CSMD2: variants seen among roughly 807,000 people sequenced by gnomAD.
CSMD2 encodes CUB and sushi domain-containing protein 2.
In CSMD2, 130 loss-of-function variants were observed where a neutral mutation model predicts 398.5. The ratio of observed to expected loss-of-function variants is 0.33; its 90% confidence interval spans 0.28 to 0.38. CSMD2 has a LOEUF of 0.38. Ranked by LOEUF, CSMD2 falls within the 10% of genes least tolerant of loss-of-function variation. The probability of loss-of-function intolerance (pLI) is 1.00; values close to 1 mark genes in which losing one functional copy is unlikely to be tolerated. For synonymous variants in CSMD2, 1,828 were observed against 1,908.5 expected (o/e 0.96, Z 1.10); for missense variants, 3,829 against 4,764.9 (o/e 0.80, Z 5.78).
At chr1:33,830,221 G>A (rs1659363018) in intron 6 of CSMD2, among the ~76,000 whole-genome samples, 4 of 152,216 alleles carry the variant, frequency 2.6e-5, no homozygotes, top group African/African-American at 9.7e-5. Context: ...GTGGGTCCCT[G>A]ACCCTTGACC....
chr1:33,595,003 C>G (rs1557592747), intron 44 of CSMD2, among the ~76,000 whole-genome samples: 1 of 152,194 alleles, frequency 6.6e-6, no homozygotes, highest in Non-Finnish European at 1.5e-5. Flanking sequence ...TACAAACTAG[C>G]ACATTCTCTC....
At chr1:33,882,102 T>G (rs1164308715) in intron 5 of CSMD2, 23 of 152,254 alleles carry the variant, frequency 1.5e-4, no homozygotes, top group Admixed American at 1.5e-3. Flanking sequence ...TTTCACGTTT[T>G]AATTCCTACC....
intron 4 of CSMD2, among the ~76,000 whole-genome samples, chr1:33,934,833 G>GAAA (rs10552121): frequency 9.1e-6 from 1 of 109,644 alleles, no homozygotes; most frequent in Non-Finnish European, 1.8e-5. Flanking sequence ...CTGTCTCCAT[G>GAAA]AAAAAAAAAA....
chr1:33,866,846 C>A lies in CSMD2; in HGVS notation c.921-19850G>T, dbSNP rs185159857. On this transcript the variant is annotated intron_variant, in intron 5 of 70. Transcript: ENST00000373381. The stretch of plus-strand genomic sequence containing the variant: ...TAGGGCAAGTTCTCATTCCTCTGAG[C>A]CTCATGTTCTTATCTGTGCAAGGAG... 2.0e-5 allele frequency among the ~76,000 whole-genome samples: 3 copies of A among 152,360 alleles called. No individual in the cohort carries two copies. In the East Asian group the frequency reaches 5.8e-4, roughly 29 times the overall value.
At chr1:33,565,872 AAG>A (rs1362772284) in intron 53 of CSMD2, among the ~76,000 whole-genome samples, 1 of 152,140 alleles carries the variant, frequency 6.6e-6, no homozygotes, top group Non-Finnish European at 1.5e-5. Flanking sequence ...GTATGCTTTA[AAG>A]AGATAAAAGA....
At chr1:34,142,744 GC>G (rs761554891) in intron 1 of CSMD2, among the ~76,000 whole-genome samples, 2 of 152,158 alleles carry the variant, frequency 1.3e-5, no homozygotes, top group Non-Finnish European at 2.9e-5. Context: ...ACCTCGATCT[GC>G]CCCTCTGCAA....
chr1:34,165,077 C>T lies in CSMD2; in HGVS notation c.21G>A (p.Arg7=). Residue 7 remains arginine (R), a synonymous_variant, in exon 1 of 71, where the codon CGG becomes CGA. Coordinates refer to ENST00000373381, the MANE Select transcript of CSMD2 (RefSeq NM_001281956.2). The stretch of plus-strand genomic sequence containing the variant: ...CGGGGCAGCCGCAGCGCCCCAGCTC[C>T]CGTCCCCGCGAGCGCGGCATGGCGC... The part of the protein sequence containing the change: MPRSRG[R]ELGRCGCPAG... 2 of 1,214,954 alleles carry T rather than the reference C, an allele frequency of 1.6e-6. No individual in the cohort carries two copies. Among genetic ancestry groups the T allele is most frequent in the Non-Finnish European group, 2.0e-6 (2 of 977,044 alleles). 75.3% of individuals were successfully genotyped at this position (1,214,954 alleles called of 1,614,324 possible). A position where few individuals can be genotyped will look rare whatever the true frequency, so the allele number is the denominator to read the frequency against.
intron 41 of CSMD2, among the ~76,000 whole-genome samples, chr1:33,609,811 G>C (rs1169977452): frequency 1.3e-5 from 2 of 152,098 alleles, no homozygotes; most frequent in Admixed American, 1.3e-4. Context: ...ATAGGGTAGT[G>C]ACAGGATGGG....
chr1:33,673,528 A>G (rs575809212), intron 25 of CSMD2, among the ~76,000 whole-genome samples: 1 of 152,352 alleles, frequency 6.6e-6, no homozygotes, highest in African/African-American at 2.4e-5. Context: ...CCAAGTTGGA[A>G]AACACTCTGC....
intron 1 of CSMD2, among the ~76,000 whole-genome samples, chr1:34,157,620 C>T (rs1293083305): frequency 6.6e-6 from 1 of 151,126 alleles, no homozygotes; most frequent in African/African-American, 2.4e-5. Context: ...CCTCACCCCC[C>T]ATCCCAGTCA....
intron 5 of CSMD2, among the ~76,000 whole-genome samples, chr1:33,914,278 G>T (rs1220301615): frequency 6.6e-6 from 1 of 152,116 alleles, no homozygotes; most frequent in Non-Finnish European, 1.5e-5. Context: ...TGTGTGTAAG[G>T]GGGGACAGGT....
At chr1:34,114,425 CA>C (rs1661408646) in intron 1 of CSMD2, among the ~76,000 whole-genome samples, 1 of 151,700 alleles carries the variant, frequency 6.6e-6, no homozygotes, top group Admixed American at 6.6e-5. Flanking sequence ...AGGCTGAGCA[CA>C]GTGGTTCATA....
intron 41 of CSMD2, chr1:33,605,909 A>G (rs1640568334): frequency 1.2e-6 from 2 of 1,613,832 alleles, no homozygotes; most frequent in Non-Finnish European, 1.7e-6. Context: ...CGGCGACGGG[A>G]GGAGTTGAGT....
At chr1:33,849,321 A>G (rs1350584543) in intron 5 of CSMD2, among the ~76,000 whole-genome samples, 4 of 152,300 alleles carry the variant, frequency 2.6e-5, no homozygotes, top group South Asian at 2.1e-4. Flanking sequence ...AAACTCTCCA[A>G]TGAAAGGAAC....
intron 1 of CSMD2, among the ~76,000 whole-genome samples, chr1:34,149,734 C>A (rs1390369901): frequency 6.6e-6 from 1 of 152,194 alleles, no homozygotes; most frequent in Non-Finnish European, 1.5e-5. Context: ...CTCATCAACA[C>A]AAATCTGGTC....
chr1:34,115,740 G>A lies in CSMD2; in HGVS notation c.188-26547C>T, dbSNP rs151084195. Among the ~76,000 whole-genome samples the A allele has an allele frequency of 9.5e-3, 1,450 of 152,100 alleles. 21 individuals carry two copies. Among genetic ancestry groups the A allele is most frequent in the African/African-American group, 0.034 (1,393 of 41,514 alleles). The stretch of plus-strand genomic sequence containing the variant: ...AATTCTAGTATAAAACTTAAAAGAT[G>A]AAAGTATAAAAATATAAGTATAATG... On this transcript the variant is annotated intron_variant, in intron 1 of 70. Coordinates refer to ENST00000373381, the MANE Select transcript of CSMD2 (RefSeq NM_001281956.2).
chr1:33,809,360 T>C (rs1378183926), intron 10 of CSMD2, among the ~76,000 whole-genome samples: 1 of 151,940 alleles, frequency 6.6e-6, no homozygotes, highest in African/African-American at 2.4e-5. Context: ...TGGTTTGACA[T>C]GAGAAAAGGC....
chr1:33,929,432 CTTTTTT>C lies in CSMD2; in HGVS notation c.712+6322_712+6327del, dbSNP rs936900076. 1.2e-4 allele frequency among the ~76,000 whole-genome samples: 12 copies of C among 100,662 alleles called. 1 individual carries two copies. Among genetic ancestry groups the C allele is most frequent in the African/African-American group, 4.0e-4 (9 of 22,550 alleles). The allele number at this position is 100,662 out of a possible 152,430, so 66.0% of individuals were successfully genotyped here. ...TCCTGAACTCAGAACCAAGCCTATA[CTTTTTT>C]TTTTTTTTTTTTTTTTTGAGATAGA... On this transcript the variant is annotated intron_variant, in intron 4 of 70. Transcript: ENST00000373381.
In CSMD2 at chr1:33,624,603, G is replaced by C; in HGVS notation, c.5541C>G (p.Ile1847Met). ...ACGGCTCTGGGAAGCCAGGGGACAG[G>C]ATGGTGCCCCTGCGCTCTGTGAGGT... is the stretch of plus-strand genomic sequence containing the variant. ...GGNLTERRGT[I>M]LSPGFPEPYL... The change falls in exon 35 of 71, where the codon ATC becomes ATG. Residue 1847 changes from isoleucine (I) to methionine (M), a missense_variant. Physicochemically the swap from Ile to Met is conservative, Grantham distance 10. Around this residue, in one of 5 missense-constraint regions of CSMD2, gnomAD observed 2,001 missense variants for 2,567.1 expected, o/e 0.78. Transcript: ENST00000373381. The surrounding 1 kb of genome is among the most constrained non-coding windows in gnomAD (Gnocchi z 4.7). 1 of 1,613,966 alleles carries C rather than the reference G, an allele frequency of 6.2e-7. No individual in the cohort carries two copies. Among genetic ancestry groups the C allele is most frequent in the Non-Finnish European group, 8.5e-7 (1 of 1,179,916 alleles).
Sources: gnomAD v4.1 joint callset for allele counts (sites outside exome capture counted in the v4.1 genomes callset) on GRCh38, gnomAD v4.1.1 for gene constraint, gnomAD v4.1.1 regional missense constraint, Gnocchi (gnomAD v3.1) non-coding constraint, MANE v1.5 for transcripts, NCBI Gene and HGNC (gene_info 2026-07-23, HGNC 2026-07-21) for gene names.